Variants in KHDRBS2 observed in about 807,000 individuals in gnomAD.
KHDRBS2 encodes the protein KH RNA binding domain containing, signal transduction associated 2.
A neutral mutation model predicts 44.3 loss-of-function variants in KHDRBS2; 26 were observed. The ratio of observed to expected loss-of-function variants is 0.59; its 90% CI spans 0.43 to 0.81. The LOEUF (loss-of-function observed/expected upper bound fraction) is 0.81. KHDRBS2 is among the 40% of genes least tolerant of loss of function. The pLI is 0.00. For missense variants in KHDRBS2, 476 were observed against 433.1 expected (o/e 1.10, Z -0.88); for synonymous variants, 194 against 151.1 (o/e 1.28, Z -2.08).
At chr6:61,729,308 C>G (rs2127559417) in intron 7 of KHDRBS2, among the ~76,000 whole-genome samples, 1 of 152,188 alleles carries the variant, frequency 6.6e-6, no homozygotes, top group South Asian at 2.1e-4. Context: ...AGGGGAACAA[C>G]ACACACTGGG....
chr6:62,050,599 C>T (rs949967955), intron 2 of KHDRBS2, among the ~76,000 whole-genome samples: 1 of 151,914 alleles, frequency 6.6e-6, no homozygotes, highest in African/African-American at 2.4e-5. Context: ...CTCACACACA[C>T]ACACATATAT....
At chr6:61,888,240 G>T (rs574251284) in intron 6 of KHDRBS2, among the ~76,000 whole-genome samples, 1 of 152,094 alleles carries the variant, frequency 6.6e-6, no homozygotes, top group Admixed American at 6.6e-5. Context: ...CTGATGAGTG[G>T]TAGATCCCAG....
chr6:61,568,457 G>A, the KHDRBS2 span, among the ~76,000 whole-genome samples: 1 of 152,158 alleles, frequency 6.6e-6, no homozygotes, highest in African/African-American at 2.4e-5. Context: ...GAACAGAACA[G>A]CATGTGGAGA....
the KHDRBS2 span, among the ~76,000 whole-genome samples, chr6:61,576,695 A>T: frequency 6.6e-6 from 1 of 152,176 alleles, no homozygotes; most frequent in Non-Finnish European, 1.5e-5. Flanking sequence ...TACATAAACT[A>T]TATGCTTCGA....
intron 1 of KHDRBS2, among the ~76,000 whole-genome samples, chr6:62,226,244 A>G (rs750421348): frequency 6.6e-6 from 1 of 152,144 alleles, no homozygotes; most frequent in Non-Finnish European, 1.5e-5. Context: ...CTGGCATGAG[A>G]TGGTATCTTA....
At chr6:61,827,086 A>T (rs1039113119) in intron 6 of KHDRBS2, among the ~76,000 whole-genome samples, 4 of 152,228 alleles carry the variant, frequency 2.6e-5, no homozygotes, top group Admixed American at 2.0e-4. Context: ...TCGTGCTGGA[A>T]GTATATACAT....
intron 6 of KHDRBS2, among the ~76,000 whole-genome samples, chr6:61,760,401 G>A (rs1202965182): frequency 6.6e-6 from 1 of 152,184 alleles, no homozygotes; most frequent in Non-Finnish European, 1.5e-5. Flanking sequence ...GGGAGGCCAA[G>A]GCAGGTGGAT....
chr6:62,158,805 AT>A (rs778184506), intron 2 of KHDRBS2, among the ~76,000 whole-genome samples: 5 of 151,916 alleles, frequency 3.3e-5, no homozygotes, highest in African/African-American at 1.2e-4. Flanking sequence ...ATAATGACCT[AT>A]TTTTTTCATA....
At chr6:61,614,283 T>C in the KHDRBS2 span, among the ~76,000 whole-genome samples, 1 of 152,186 alleles carries the variant, frequency 6.6e-6, no homozygotes, top group African/African-American at 2.4e-5. Flanking sequence ...AGAGGTATCA[T>C]GTGCATTCTG....
chr6:62,059,673 C>G (rs1791259828), intron 2 of KHDRBS2, among the ~76,000 whole-genome samples: 1 of 151,440 alleles, frequency 6.6e-6, no homozygotes, highest in African/African-American at 2.4e-5. Context: ...AATGGAGAAA[C>G]CTAGCAATCA....
At chr6:61,684,466 C>T (rs1441175805) in intron 8 of KHDRBS2, among the ~76,000 whole-genome samples, 1 of 151,728 alleles carries the variant, frequency 6.6e-6, no homozygotes, top group Non-Finnish European at 1.5e-5. Context: ...TTTATCTGTC[C>T]TCTTGGGTCT....
chr6:62,223,260 G>A (rs1430742911), intron 1 of KHDRBS2, among the ~76,000 whole-genome samples: 2 of 152,232 alleles, frequency 1.3e-5, no homozygotes, highest in Admixed American at 1.3e-4. Context: ...CCAGTGCTTG[G>A]GGCTTGCGCC....
chr6:62,196,296 A>T (rs2150134699), intron 1 of KHDRBS2, among the ~76,000 whole-genome samples: 1 of 152,288 alleles, frequency 6.6e-6, no homozygotes, highest in African/African-American at 2.4e-5. Context: ...TTCTACTATG[A>T]CAAATAGACC....
intron 6 of KHDRBS2, among the ~76,000 whole-genome samples, chr6:61,759,515 T>C (rs1778968075): frequency 6.6e-6 from 1 of 152,184 alleles, no homozygotes; most frequent in South Asian, 2.1e-4. Context: ...TTTTAATTAT[T>C]TTTGAAGGGT....
intron 3 of KHDRBS2, among the ~76,000 whole-genome samples, chr6:61,981,312 A>G (rs1350508975): frequency 6.6e-6 from 1 of 152,190 alleles, no homozygotes; most frequent in Non-Finnish European, 1.5e-5. Context: ...GCCCTTAATA[A>G]GAAATTATAA....
chr6:62,061,655 GAGTTGCTC>G (rs1791934838), intron 2 of KHDRBS2, among the ~76,000 whole-genome samples: 1 of 150,998 alleles, frequency 6.6e-6, no homozygotes, highest in South Asian at 2.1e-4. Flanking sequence ...ATGTGTCTTG[GAGTTGCTC>G]TTCTTGAGGA....
chr6:62,171,003 C>G (rs567551794), intron 2 of KHDRBS2, among the ~76,000 whole-genome samples: 1 of 147,954 alleles, frequency 6.8e-6, no homozygotes, highest in African/African-American at 2.5e-5. Context: ...TATTAAAGGA[C>G]CATTTACCCA....
At position 62,161,583 on chromosome 6, in the gene KHDRBS2, G is replaced by T. The variant is rs866333825; in HGVS notation, c.219+15602C>A. ...GAATTTTGGTATTTGCGGGGGGGGG[G>T]GGGGTCCCAGAACAAATCCTCTGAA... On this transcript the variant is annotated intron_variant, in intron 2 of 8. Coordinates refer to ENST00000281156, the MANE Select transcript of KHDRBS2 (RefSeq NM_152688.4). Among the ~76,000 whole-genome samples the T allele has an allele frequency of 2.4e-5, 3 of 122,812 alleles. 1 individual carries two copies. Among genetic ancestry groups the T allele is most frequent in the Non-Finnish European group, 5.1e-5 (3 of 59,250 alleles). The allele number at this position is 122,812 out of a possible 152,430, so 80.6% of individuals were successfully genotyped here. A position where few individuals can be genotyped will look rare whatever the true frequency, so the allele number is the denominator to read the frequency against.
intron 1 of KHDRBS2, among the ~76,000 whole-genome samples, chr6:62,206,350 C>T (rs1353584609): frequency 2.6e-5 from 4 of 152,026 alleles, no homozygotes; most frequent in East Asian, 1.9e-4. Context: ...TTTCTCAAAA[C>T]GTTCTTTGGT....
Sources: gnomAD v4.1 joint callset for allele counts (sites outside exome capture counted in the v4.1 genomes callset) on GRCh38, gnomAD v4.1.1 for gene constraint, MANE v1.5 for transcripts, NCBI Gene and HGNC (gene_info 2026-07-23, HGNC 2026-07-21) for gene names.